The following KDM1A variants were observed in gnomAD, a reference collection of about 807,000 sequenced individuals.
KDM1A encodes the protein lysine-specific histone demethylase 1A.
In KDM1A, 49 loss-of-function variants were observed where a neutral mutation model predicts 109.4. The ratio of observed to expected loss-of-function variants is 0.45; its 90% CI spans 0.36 to 0.57. The LOEUF is 0.57. Among genes scored for constraint, KDM1A ranks in the 20% least tolerant of loss-of-function variants. The pLI is 0.00. For synonymous variants in KDM1A, 380 were observed against 415.4 expected, an observed-to-expected ratio of 0.91 and a Z score of 1.04; for missense variants, 668 against 1,116.6, an observed-to-expected ratio of 0.60 and a Z score of 5.73.
At chr1:23,032,538 T>C (rs1402422645) in intron 2 of KDM1A, among the ~76,000 whole-genome samples, 1 of 152,134 alleles carries the variant, frequency 6.6e-6, no homozygotes, top group Non-Finnish European at 1.5e-5. Context: ...GTTGAGGATA[T>C]CTTCAATGCT....
chr1:23,082,400 G>T (rs750419196), intron 20 of KDM1A, 34 bp downstream of exon 20: 1 of 1,581,140 alleles, frequency 6.3e-7, no homozygotes. Flanking sequence ...GGCTTATTTG[G>T]GAAGAGGCCA....
intron 2 of KDM1A, among the ~76,000 whole-genome samples, chr1:23,039,081 C>T (rs952145083): frequency 6.6e-6 from 1 of 151,372 alleles, no homozygotes; most frequent in African/African-American, 2.5e-5. Context: ...ATTATCTGAG[C>T]CTATTATTAC....
chr1:23,059,336 G>A (rs761360156), intron 9 of KDM1A, 169 bp downstream of exon 9: 4 of 630,146 alleles, frequency 6.3e-6, no homozygotes, highest in African/African-American at 2.7e-5. Context: ...CTTAACTCTT[G>A]AGCTATGTAG....
intron 4 of KDM1A, 109 bp from the exon 5 acceptor site, chr1:23,053,652 C>A: frequency 1.3e-6 from 1 of 742,206 alleles, no homozygotes; most frequent in Non-Finnish European, 2.4e-6. Context: ...TCCCAAACTG[C>A]TGGGATTATA....
intron 3 of KDM1A, 103 bp from the exon 4 acceptor site, chr1:23,050,283 TA>T: frequency 2.4e-6 from 3 of 1,230,724 alleles, no homozygotes; most frequent in Non-Finnish European, 2.1e-6. Flanking sequence ...GAAAATTTTT[TA>T]AAAAGGTCAG....
At chr1:23,029,104 C>T (rs1641897728) in intron 1 of KDM1A, among the ~76,000 whole-genome samples, 1 of 152,060 alleles carries the variant, frequency 6.6e-6, no homozygotes, top group Non-Finnish European at 1.5e-5. Flanking sequence ...GTCCCCCGCC[C>T]CCAAATCCTG....
chr1:23,074,988 G>A (rs567585987), intron 15 of KDM1A, among the ~76,000 whole-genome samples: 3 of 152,170 alleles, frequency 2.0e-5, no homozygotes, highest in Non-Finnish European at 4.4e-5. Context: ...TTCCATAACA[G>A]TTTTAGAATC....
Position 23,044,433 on chromosome 1 carries a change from C to G in KDM1A, c.524C>G (p.Ala175Gly). The G allele has an allele frequency of 6.2e-7, 1 of 1,613,150 alleles. No individual in the cohort carries two copies. The highest frequency in any genetic ancestry group is 8.5e-7 in the Non-Finnish European group (1 of 1,179,696). Reference protein sequence around the residue: ...ESEPEEPSGQAGGLQDDSSGG... With the variant: ...ESEPEEPSGQGGGLQDDSSGG... Reference sequence around the variant, plus strand: ...CTCCTCTTTCCTTCCACAGGGCAAGCAGGAGGACTTCAAGACGACAGTTCT... The same window carrying G: ...CTCCTCTTTCCTTCCACAGGGCAAGGAGGAGGACTTCAAGACGACAGTTCT... The change falls in exon 3 of 21, where the codon GCA becomes GGA. Residue 175 changes from alanine (A) to glycine (G), a missense_variant. Coordinates refer to ENST00000400181, the MANE Select transcript of KDM1A (RefSeq NM_001009999.3).
At chr1:23,068,941 C>T in intron 11 of KDM1A, 120 bp from the exon 12 acceptor site, 1 of 682,212 alleles carries the variant, frequency 1.5e-6, no homozygotes, top group East Asian at 2.8e-5. Context: ...AGCCAACTTT[C>T]TTGTTCCTAA....
At position 23,082,155 on chromosome 1, in the gene KDM1A, A is replaced by C. The variant is rs935133073; in HGVS notation, c.2299-65A>C. 6.0e-5 allele frequency: 93 copies of C among 1,558,268 alleles called. 1 individual carries two copies. The highest frequency in any genetic ancestry group is 8.1e-5 in the Non-Finnish European group (93 of 1,142,124). ...CATCTCCACCCACCACTGCTTTTCC[A>C]CCTTTCAAGGATTGATTTGTGCTTG... On this transcript the variant is annotated intron_variant, in intron 19 of 20. Transcript: ENST00000400181.
In KDM1A at chr1:23,079,813, G is replaced by T. The variant is rs1643567329; in HGVS notation, c.2170+146G>T. The T allele has an allele frequency of 2.0e-6, 1 of 510,954 alleles. No individual in the cohort carries two copies. Among genetic ancestry groups the T allele is most frequent in the African/African-American group, 2.0e-5 (1 of 50,338 alleles). The allele number at this position is 510,954 out of a possible 1,614,324, so 31.7% of individuals were successfully genotyped here. A position where few individuals can be genotyped will look rare whatever the true frequency, so the allele number is the denominator to read the frequency against. ...CCTGAAATACCTTCTAGGTACTGGG[G>T]TATAAAAATACCTGCCTTCAAGGAG... is the stretch of plus-strand genomic sequence containing the variant. On this transcript the variant is annotated intron_variant, in intron 18 of 20. Coordinates refer to ENST00000400181, the MANE Select transcript of KDM1A (RefSeq NM_001009999.3). This position sits in a 1 kb window ranked among gnomAD's most constrained non-coding sequence, Gnocchi z 5.6.
At chr1:23,030,777 TTG>T in intron 2 of KDM1A, 143 bp downstream of exon 2, 3 of 818,230 alleles carry the variant, frequency 3.7e-6, no homozygotes, top group South Asian at 3.9e-5. Context: ...ATGTGTGTCT[TTG>T]TGTGTGTGTA....
intron 12 of KDM1A, among the ~76,000 whole-genome samples, chr1:23,070,387 T>G (rs1326161649): frequency 6.6e-6 from 1 of 151,902 alleles, no homozygotes; most frequent in Admixed American, 6.6e-5. Flanking sequence ...ATGAGAATCA[T>G]TTGAACCTGG....
In KDM1A at chr1:23,081,578, G is replaced by T; in HGVS notation, c.2298+5G>T. Reference sequence around the variant, plus strand: ...GGTAGCAGTGCAGTACCTCAGGTAAGTAGGTAGGTGGGGCAAGGAGGGATC... The same window carrying T: ...GGTAGCAGTGCAGTACCTCAGGTAATTAGGTAGGTGGGGCAAGGAGGGATC... On this transcript the variant is annotated splice_donor_5th_base_variant and intron_variant, in intron 19 of 20. Coordinates refer to ENST00000400181, the MANE Select transcript of KDM1A (RefSeq NM_001009999.3). 6.2e-7 allele frequency: 1 copy of T among 1,614,100 alleles called. No individual in the cohort carries two copies. Among genetic ancestry groups the T allele is most frequent in the Non-Finnish European group, 8.5e-7 (1 of 1,179,968 alleles).
chr1:23,042,614 G>C (rs1642381264), intron 2 of KDM1A, among the ~76,000 whole-genome samples: 1 of 149,882 alleles, frequency 6.7e-6, no homozygotes, highest in South Asian at 2.1e-4. Context: ...CACTACTCCC[G>C]GCTAATTTTT....
Position 23,077,293 on chromosome 1 carries a change from G to A in KDM1A, c.1800G>A (p.Val600=). 1 of 1,614,120 alleles carries A rather than the reference G, an allele frequency of 6.2e-7. No individual in the cohort carries two copies. Among genetic ancestry groups the A allele is most frequent in the Non-Finnish European group, 8.5e-7 (1 of 1,179,968 alleles). The change falls in exon 16 of 21, where the codon GTG becomes GTA. Residue 600 remains valine (V), a synonymous_variant. Transcript: ENST00000400181. ...GGAATGGCTACTCGTGTGTGCCTGTGGCTTTAGCAGAAGGCCTAGACATTA... is the reference window on the plus strand; with the variant it reads ...GGAATGGCTACTCGTGTGTGCCTGTAGCTTTAGCAGAAGGCCTAGACATTA... ...TVRNGYSCVP[V]ALAEGLDIKL... is the part of the protein sequence containing the mutation.
chr1:23,057,879 C>T, intron 8 of KDM1A: 1 of 181,462 alleles, frequency 5.5e-6, no homozygotes. Context: ...CCTCCACTCA[C>T]TGCAGTCTCC....
intron 2 of KDM1A, among the ~76,000 whole-genome samples, chr1:23,041,715 A>G (rs1642341506): frequency 6.6e-6 from 1 of 151,924 alleles, no homozygotes; most frequent in South Asian, 2.1e-4. Context: ...TGCTGGGATT[A>G]CAGGCGTGAG....
chr1:23,057,875 C>T (rs1187762423), intron 8 of KDM1A: 2 of 192,584 alleles, frequency 1.0e-5, no homozygotes, highest in Admixed American at 1.1e-4. Flanking sequence ...GTGACCTCCA[C>T]TCACTGCAGT....
Sources: gnomAD v4.1 joint callset for allele counts (sites outside exome capture counted in the v4.1 genomes callset) on GRCh38, gnomAD v4.1.1 for gene constraint, Gnocchi (gnomAD v3.1) non-coding constraint, MANE v1.5 for transcripts, NCBI Gene and HGNC (gene_info 2026-07-23, HGNC 2026-07-21) for gene names.